Variants in ZNF8 observed in about 807,000 individuals in gnomAD.
ZNF8 encodes the protein zinc finger protein 8.
ZNF8 carries 9 observed loss-of-function variants against 12.2 expected under a neutral mutation model. That is an observed-to-expected ratio of 0.73 (90% CI 0.44 to 1.28). The LOEUF is 1.28. Among genes scored for constraint, ZNF8 ranks in the 50% most tolerant of loss-of-function variants. The pLI is 0.00. For synonymous variants in ZNF8, 274 were observed against 282.3 expected, an observed-to-expected ratio of 0.97 and a Z score of 0.30; for missense variants, 664 against 729.1, an observed-to-expected ratio of 0.91 and a Z score of 1.03.
intron 1 of ZNF8, chr19:58,280,406 G>C (rs2147952703): frequency 6.5e-6 from 1 of 154,456 alleles, no homozygotes; most frequent in South Asian, 2.0e-4. Flanking sequence ...GAGAGGGCAA[G>C]GTAGAAACTG....
rs139390623 is a variant in ZNF8, at chr19:58,294,354, C to T, written c.546C>T (p.Cys182=). 54 of 1,613,990 alleles carry T rather than the reference C, an allele frequency of 3.3e-5. No homozygotes were observed. In the African/African-American group the frequency reaches 3.6e-4, roughly 11 times the overall value. ...GYKTLRLREN[C]VLSSSPNPFP... ...AAACTCTCAGACTCAGGGAAAACTG[C>T]GTCCTGAGTTCAAGCCCAAATCCAT... is the stretch of plus-strand genomic sequence containing the variant. Residue 182 remains cysteine, a synonymous_variant, in exon 4 of 4, where the codon TGC becomes TGT. Coordinates refer to ENST00000621650, the MANE Select transcript of ZNF8 (RefSeq NM_021089.3). This position sits in a 1 kb window ranked among gnomAD's most constrained non-coding sequence, Gnocchi z 5.5.
At chr19:58,286,401 A>C (rs2147956020) in intron 3 of ZNF8, 196 bp downstream of exon 3, 2 of 495,470 alleles carry the variant, frequency 4.0e-6, no homozygotes, top group East Asian at 6.9e-5. Context: ...CGTGGGGATA[A>C]GTTCAGAGGA....
intron 3 of ZNF8, among the ~76,000 whole-genome samples, chr19:58,288,023 C>CT: frequency 7.4e-6 from 1 of 135,884 alleles, no homozygotes. Flanking sequence ...TTTGTGTGTC[C>CT]TTTTTTTTTT....
intron 1 of ZNF8, 59 bp from the exon 2 acceptor site, chr19:58,285,658 C>T (rs1210117463): frequency 6.2e-6 from 10 of 1,613,358 alleles, no homozygotes; most frequent in Non-Finnish European, 8.5e-6. Context: ...CATTCTTCCT[C>T]TGCCAGAAAG....
In ZNF8 at chr19:58,278,990, C is replaced by T. The variant is rs1389594175; in HGVS notation, c.-92C>T. On this transcript the variant is annotated 5_prime_UTR_variant, in exon 1 of 4. Transcript: ENST00000621650. ...CGTCGCCGGTGCGGCCGCCATTGTCCGGCGTTCGGCGAGTCGGGTGGTCCC... is the reference window on the plus strand; with the variant it reads ...CGTCGCCGGTGCGGCCGCCATTGTCTGGCGTTCGGCGAGTCGGGTGGTCCC... The T allele has an allele frequency of 1.2e-5, 16 of 1,335,458 alleles. No individual in the cohort carries two copies. The highest frequency in any genetic ancestry group is 1.5e-5 in the African/African-American group (1 of 66,120). The allele number at this position is 1,335,458 out of a possible 1,614,324, so 82.7% of individuals were successfully genotyped here. A position where few individuals can be genotyped will look rare whatever the true frequency, so the allele number is the denominator to read the frequency against.
In ZNF8 at chr19:58,298,324, T is replaced by C. The variant is rs532083548; in HGVS notation, c.*2788T>C. 4 of 151,974 alleles carry C rather than the reference T, an allele frequency of 2.6e-5. No individual in the cohort carries two copies. Among genetic ancestry groups the C allele is most frequent in the East Asian group, 3.9e-4 (2 of 5,148 alleles). The allele number at this position is 151,974 out of a possible 1,614,324, so 9.4% of individuals were successfully genotyped here. On this transcript the variant is annotated 3_prime_UTR_variant, in exon 4 of 4. Transcript: ENST00000621650. ...GATTACAGGCATGAGCCACTGCGCC[T>C]GGCCCTCTTTTTCTTTTTGAGATGG... is the stretch of plus-strand genomic sequence containing the variant.
chr19:58,281,265 A>C (rs567807341), intron 1 of ZNF8, among the ~76,000 whole-genome samples: 1 of 152,204 alleles, frequency 6.6e-6, no homozygotes, highest in East Asian at 1.9e-4. Flanking sequence ...CAGTGGGAAA[A>C]AGAGAGGAGT....
chr19:58,300,343 TGAG>T lies in ZNF8; in HGVS notation c.*4811_*4813del, dbSNP rs1382635396. On this transcript the variant is annotated 3_prime_UTR_variant, in exon 4 of 4. Transcript: ENST00000621650. ...TCTCTCAACCTTTCCATTGTGGTCA[TGAG>T]GAGACTCCTATGGCTCCAGCCATTG... The T allele has an allele frequency of 3.9e-5, 6 of 152,218 alleles. No homozygotes were observed. The highest frequency in any genetic ancestry group is 1.5e-5 in the Non-Finnish European group (1 of 68,056). The allele number at this position is 152,218 out of a possible 1,614,324, so 9.4% of individuals were successfully genotyped here.
intron 3 of ZNF8, among the ~76,000 whole-genome samples, chr19:58,292,671 C>T (rs771229587): frequency 1.3e-5 from 2 of 152,198 alleles, no homozygotes; most frequent in Non-Finnish European, 2.9e-5. Context: ...TGGAATCTTA[C>T]AATTTGTGAC....
At position 58,294,527 on chromosome 19, in the gene ZNF8, A is replaced by G; in HGVS notation, c.719A>G (p.Gln240Arg). 2 of 1,614,238 alleles carry G rather than the reference A, an allele frequency of 1.2e-6. No homozygotes were observed. Among genetic ancestry groups the G allele is most frequent in the Non-Finnish European group, 1.7e-6 (2 of 1,180,040 alleles). The change falls in exon 4 of 4, where the codon CAG becomes CGG. Residue 240 changes from glutamine to arginine, a missense_variant. By Grantham distance (43) the Gln-to-Arg change is conservative (BLOSUM62 1). This residue lies in a region of ZNF8 where 306 missense variants were observed against 308.7 expected (regional missense o/e 0.99). Coordinates refer to ENST00000621650, the MANE Select transcript of ZNF8 (RefSeq NM_021089.3). The surrounding 1 kb of genome is among the most constrained non-coding windows in gnomAD (Gnocchi z 5.5). ...AGTGACTGTCACAGAGATTCCAGTCAGGCCATTCCAATTACGGAACTCACA... is the reference window on the plus strand; with the variant it reads ...AGTGACTGTCACAGAGATTCCAGTCGGGCCATTCCAATTACGGAACTCACA... ...ENSDCHRDSS[Q>R]AIPITELTKS...
At chr19:58,282,378 T>C in intron 1 of ZNF8, among the ~76,000 whole-genome samples, 1 of 152,244 alleles carries the variant, frequency 6.6e-6, no homozygotes, top group East Asian at 1.9e-4. Context: ...ATATTCTAGA[T>C]ACAAGTCTCT....
At position 58,279,529 on chromosome 19, in the gene ZNF8, C is replaced by T. The variant is rs1387346200; in HGVS notation, c.66+382C>T. On this transcript the variant is annotated intron_variant, in intron 1 of 3. Transcript: ENST00000621650. ...AGTAATTGTAGCGTTGGCCGGGTGC[C>T]CAGATGGCAAGAATCATCGAATAGA... 7.3e-6 allele frequency: 11 copies of T among 1,503,964 alleles called. No homozygotes were observed. The East Asian group carries it at 7.4e-5, about 10-fold the overall frequency. The allele number at this position is 1,503,964 out of a possible 1,614,324, so 93.2% of individuals were successfully genotyped here.
In ZNF8 at chr19:58,295,786, C is replaced by A. The variant is rs1184437697; in HGVS notation, c.*250C>A. 4 of 457,542 alleles carry A rather than the reference C, an allele frequency of 8.7e-6. No individual in the cohort carries two copies. The Admixed American group carries it at 1.6e-4, about 18-fold the overall frequency. 28.3% of individuals were successfully genotyped at this position (457,542 alleles called of 1,614,324 possible). A position where few individuals can be genotyped will look rare whatever the true frequency, so the allele number is the denominator to read the frequency against. On this transcript the variant is annotated 3_prime_UTR_variant, in exon 4 of 4. Coordinates refer to ENST00000621650, the MANE Select transcript of ZNF8 (RefSeq NM_021089.3). ...GTGAGTTCACAGGTAATATAACCTA[C>A]CCACCTGTGTAATGTCAAAAAAAAT...
Position 58,294,927 on chromosome 19 carries a change from G to A in ZNF8, c.1119G>A (p.Val373=). 1 of 1,614,204 alleles carries A rather than the reference G, an allele frequency of 6.2e-7. No individual in the cohort carries two copies. The highest frequency in any genetic ancestry group is 8.5e-7 in the Non-Finnish European group (1 of 1,180,036). Residue 373 remains valine (V), a synonymous_variant, in exon 4 of 4, where the codon GTG becomes GTA. Coordinates refer to ENST00000621650, the MANE Select transcript of ZNF8 (RefSeq NM_021089.3). This position sits in a 1 kb window ranked among gnomAD's most constrained non-coding sequence, Gnocchi z 5.5. ...GGGAGAAGCCATACACCTGCAGTGT[G>A]TGTGGGAAATCCTTCTCTCGGACCA... ...HTGEKPYTCS[V]CGKSFSRTTC... is the part of the protein sequence containing the mutation.
chr19:58,292,425 A>C (rs574610367), intron 3 of ZNF8, among the ~76,000 whole-genome samples: 1 of 152,082 alleles, frequency 6.6e-6, no homozygotes, highest in African/African-American at 2.4e-5. Flanking sequence ...GCCCTGTGGT[A>C]TTTCTTCTTA....
At chr19:58,293,102 C>A (rs1394925253) in intron 3 of ZNF8, among the ~76,000 whole-genome samples, 1 of 152,112 alleles carries the variant, frequency 6.6e-6, no homozygotes, top group East Asian at 1.9e-4. Context: ...GTGTATAACA[C>A]CACACCCGAA....
intron 1 of ZNF8, chr19:58,279,354 A>C: frequency 6.8e-7 from 1 of 1,464,234 alleles, no homozygotes; most frequent in Non-Finnish European, 9.0e-7. Context: ...CTGGCCCCCG[A>C]ATGCGCATGC....
At chr19:58,279,887 T>A (rs2051338033) in intron 1 of ZNF8, 6 of 860,536 alleles carry the variant, frequency 7.0e-6, no homozygotes, top group Non-Finnish European at 7.3e-6. Context: ...TACTTTTTTT[T>A]ATTTTTTGTC....
At chr19:58,282,985 T>TG (rs2051360144) in intron 1 of ZNF8, among the ~76,000 whole-genome samples, 1 of 151,544 alleles carries the variant, frequency 6.6e-6, no homozygotes, top group African/African-American at 2.4e-5. Flanking sequence ...CTCTTCTTTT[T>TG]TTTTTCTTTG....
Sources: allele counts gnomAD v4.1 joint callset (sites outside exome capture counted in the v4.1 genomes callset), GRCh38; gene constraint gnomAD v4.1.1; regional missense constraint gnomAD v4.1.1; non-coding constraint Gnocchi (gnomAD v3.1); transcripts MANE v1.5; gene names NCBI Gene and HGNC (gene_info 2026-07-23, HGNC 2026-07-21).